The following PTPN2 variants were observed in gnomAD, a reference collection of about 807,000 sequenced individuals.
The protein encoded by PTPN2 is tyrosine-protein phosphatase non-receptor type 2.
PTPN2 carries 19 observed loss-of-function variants against 57.3 expected under a neutral mutation model. That is an observed-to-expected ratio of 0.33 (90% CI 0.23 to 0.49). PTPN2 has a LOEUF of 0.49. Ranked by LOEUF, PTPN2 falls within the 20% of genes least tolerant of loss-of-function variation. PTPN2 has a pLI of 0.99. For synonymous variants in PTPN2, 153 were observed against 164.9 expected (o/e 0.93, Z 0.55); for missense variants, 358 against 501.1 (o/e 0.71, Z 2.73).
chr18:12,832,160 G>A (rs575445272), intron 3 of PTPN2, among the ~76,000 whole-genome samples: 73 of 152,156 alleles, frequency 4.8e-4, no homozygotes, highest in South Asian at 1.5e-3. Context: ...TCTGTCACCC[G>A]GGCTAGAGTG....
At chr18:12,851,763 T>C (rs1348448886) in intron 2 of PTPN2, among the ~76,000 whole-genome samples, 1 of 152,208 alleles carries the variant, frequency 6.6e-6, no homozygotes, top group African/African-American at 2.4e-5. Context: ...CTTCCCCCTC[T>C]AGTAACTCAT....
chr18:12,825,301 T>A (rs1390183621), intron 5 of PTPN2, among the ~76,000 whole-genome samples: 1 of 152,204 alleles, frequency 6.6e-6, no homozygotes, highest in East Asian at 1.9e-4. Flanking sequence ...TTTTCTTGAC[T>A]ATTTTGCTAT....
chr18:12,878,227 G>A (rs551064407), intron 1 of PTPN2, among the ~76,000 whole-genome samples: 1 of 151,796 alleles, frequency 6.6e-6, no homozygotes, highest in African/African-American at 2.4e-5. Context: ...TGAGGCAGGA[G>A]GATGTCTAAA....
intron 2 of PTPN2, among the ~76,000 whole-genome samples, chr18:12,848,975 T>C (rs190486759): frequency 3.2e-4 from 48 of 152,352 alleles, no homozygotes; most frequent in African/African-American, 1.0e-3. Flanking sequence ...CTTACTGTAC[T>C]AACTAGGACC....
chr18:12,867,328 A>C (rs767933407), intron 1 of PTPN2, among the ~76,000 whole-genome samples: 25 of 151,974 alleles, frequency 1.6e-4, no homozygotes, highest in Non-Finnish European at 2.8e-4. Context: ...CAATAAATAA[A>C]TAAATAAATA....
intron 7 of PTPN2, among the ~76,000 whole-genome samples, chr18:12,812,993 T>C (rs1357175758): frequency 6.7e-6 from 1 of 148,614 alleles, no homozygotes; most frequent in Non-Finnish European, 1.5e-5. Context: ...AGATAAAGTA[T>C]GTATTCTAAA....
intron 4 of PTPN2, 42 bp from the exon 5 acceptor site, chr18:12,825,986 G>C (rs1205247005): frequency 1.3e-6 from 2 of 1,487,524 alleles, no homozygotes; most frequent in Admixed American, 4.0e-5. Context: ...TTAGTTTATA[G>C]ACATCATGAA....
intron 1 of PTPN2, among the ~76,000 whole-genome samples, chr18:12,870,264 T>C (rs1473091089): frequency 4.1e-5 from 4 of 96,678 alleles, no homozygotes; most frequent in Admixed American, 2.2e-4. Context: ...TTAGCATATA[T>C]ATATATATGT....
At chr18:12,805,639 CTTT>C (rs755422217) in intron 7 of PTPN2, among the ~76,000 whole-genome samples, 20 of 114,114 alleles carry the variant, frequency 1.8e-4, no homozygotes, top group African/African-American at 3.8e-4. Flanking sequence ...TGCCTCCTTT[CTTT>C]TTTTTTTTTT....
Position 12,836,906 on chromosome 18 carries a change from T to C in PTPN2, c.161-15A>G. On this transcript the variant is annotated splice_polypyrimidine_tract_variant and intron_variant, in intron 2 of 8. Transcript: ENST00000309660. ...ACTGTGATCATCTGAAAATAGAGAATGATAAACCACAACTGTCATTTCAAA... is the reference window on the plus strand; with the variant it reads ...ACTGTGATCATCTGAAAATAGAGAACGATAAACCACAACTGTCATTTCAAA... The C allele has an allele frequency of 1.4e-6, 2 of 1,481,060 alleles. No homozygotes were observed. The highest frequency in any genetic ancestry group is 9.4e-7 in the Non-Finnish European group (1 of 1,063,188). 91.7% of individuals were successfully genotyped at this position (1,481,060 alleles called of 1,614,324 possible). A position where few individuals can be genotyped will look rare whatever the true frequency, so the allele number is the denominator to read the frequency against.
intron 3 of PTPN2, among the ~76,000 whole-genome samples, chr18:12,832,385 G>A (rs2042701034): frequency 6.6e-6 from 1 of 152,128 alleles, no homozygotes; most frequent in Admixed American, 6.5e-5. Context: ...CCAAAGTGCT[G>A]GGATTACAGG....
chr18:12,846,076 T>C (rs2043195859), intron 2 of PTPN2, among the ~76,000 whole-genome samples: 1 of 152,204 alleles, frequency 6.6e-6, no homozygotes, highest in Non-Finnish European at 1.5e-5. Context: ...TATTTCCCTA[T>C]AGATGAGTTC....
At chr18:12,846,339 A>C (rs1263823520) in intron 2 of PTPN2, among the ~76,000 whole-genome samples, 1 of 152,232 alleles carries the variant, frequency 6.6e-6, no homozygotes, top group Non-Finnish European at 1.5e-5. Flanking sequence ...CACCAACTTT[A>C]GTATCCATTT....
chr18:12,860,327 G>A (rs539535592), intron 1 of PTPN2, among the ~76,000 whole-genome samples: 50 of 151,520 alleles, frequency 3.3e-4, no homozygotes, highest in South Asian at 1.0e-3. Context: ...GGCTGTGCGC[G>A]GTGGCTCATG....
chr18:12,833,143 C>T (rs2042727688), intron 3 of PTPN2, among the ~76,000 whole-genome samples: 2 of 152,140 alleles, frequency 1.3e-5, no homozygotes, highest in Non-Finnish European at 2.9e-5. Context: ...TTCCATTTAC[C>T]AGCAATGCTA....
At chr18:12,829,955 G>A (rs73950681) in intron 4 of PTPN2, among the ~76,000 whole-genome samples, 1 of 151,976 alleles carries the variant, frequency 6.6e-6, no homozygotes, top group Non-Finnish European at 1.5e-5. Flanking sequence ...AACCATCTAG[G>A]TTCAACCACC....
At chr18:12,791,863 G>T (rs1247307026), downstream of PTPN2, among the ~76,000 whole-genome samples, 2 of 152,132 alleles carry the variant, frequency 1.3e-5, no homozygotes, top group African/African-American at 4.8e-5. Flanking sequence ...TCTGGCACTG[G>T]CTTCCTCAAG....
Position 12,786,088 on chromosome 18 carries a change from ATTC to A in PTPN2, c.1143-247_1143-245del, listed in dbSNP as rs2040837710. 4.9e-5 allele frequency: 25 copies of A among 507,182 alleles called. No homozygotes were observed. In the East Asian group the frequency reaches 6.7e-4, roughly 14 times the overall value. 31.4% of individuals were successfully genotyped at this position (507,182 alleles called of 1,614,324 possible). ...CTCATGTGGAAGCATCGTGACTTAT[ATTC>A]TTCTTCAAGAATTATGTGAATTCTT... is the stretch of plus-strand genomic sequence containing the variant. On this transcript the variant is annotated intron_variant, in intron 9 of 9. Coordinates refer to the PTPN2 transcript ENST00000327283.
Position 12,870,284 on chromosome 18 carries a change from CATATACATATATATGTGTAT to C in PTPN2, c.70-11050_70-11031del, listed in dbSNP as rs1273751042. 1.4e-4 allele frequency among the ~76,000 whole-genome samples: 9 copies of C among 63,602 alleles called. 1 individual carries two copies. The highest frequency in any genetic ancestry group is 6.6e-4 in the South Asian group (1 of 1,518). 41.7% of individuals were successfully genotyped at this position (63,602 alleles called of 152,430 possible). Reference sequence around the variant, plus strand: ...ATATATATATATATGTATATATATACATATACATATATATGTGTATATATACATATATATGTGTATATATA... The same window carrying C: ...ATATATATATATATGTATATATATACATATACATATATATGTGTATATATA... On this transcript the variant is annotated intron_variant, in intron 1 of 8. Transcript: ENST00000309660.
Sources: allele counts gnomAD v4.1 joint callset (sites outside exome capture counted in the v4.1 genomes callset), GRCh38; gene constraint gnomAD v4.1.1; transcripts MANE v1.5; gene names NCBI Gene and HGNC (gene_info 2026-07-23, HGNC 2026-07-21).